Variants in FOXP2 observed in about 807,000 individuals in gnomAD.
The protein encoded by FOXP2 is forkhead box protein P2.
Under a neutral mutation model 115.8 loss-of-function variants are expected in FOXP2, and 12 were observed. That is an observed-to-expected ratio of 0.10 (90% CI 0.07 to 0.17). The LOEUF is 0.17. FOXP2 is among the 10% of genes least tolerant of loss of function. The pLI is 1.00. For synonymous variants in FOXP2, 328 were observed against 297.7 expected, an observed-to-expected ratio of 1.10 and a Z score of -1.05; for missense variants, 629 against 843.5, an observed-to-expected ratio of 0.75 and a Z score of 3.15.
chr7:114,210,606 T>C (rs548462032), intron 1 of FOXP2, among the ~76,000 whole-genome samples: 1 of 152,112 alleles, frequency 6.6e-6, no homozygotes, highest in Non-Finnish European at 1.5e-5. Flanking sequence ...TGTTCGGAGG[T>C]CTCACCCAGT....
chr7:114,422,771 T>C (rs1004812916), intron 1 of FOXP2, among the ~76,000 whole-genome samples: 1 of 151,092 alleles, frequency 6.6e-6, no homozygotes, highest in African/African-American at 2.5e-5. Flanking sequence ...ATAGGATACA[T>C]GCAGGTTTCT....
At chr7:114,118,201 G>A (rs1053384838) in intron 1 of FOXP2, among the ~76,000 whole-genome samples, 3 of 152,186 alleles carry the variant, frequency 2.0e-5, no homozygotes, top group Middle Eastern at 3.4e-3. Context: ...AAAAGAATGG[G>A]AAGTTCTAAT....
chr7:114,238,040 C>T (rs758365950), intron 1 of FOXP2, among the ~76,000 whole-genome samples: 1 of 152,154 alleles, frequency 6.6e-6, no homozygotes, highest in South Asian at 2.1e-4. Context: ...TCTCTGGAAA[C>T]AAAGTTGCTA....
chr7:114,399,791 A>G (rs1792834402), intron 2 of FOXP2, among the ~76,000 whole-genome samples: 1 of 152,114 alleles, frequency 6.6e-6, no homozygotes, highest in South Asian at 2.1e-4. Flanking sequence ...AGACCAGTAT[A>G]AAGGGAGACA....
At chr7:114,620,295 G>A (rs1022997056) in intron 3 of FOXP2, among the ~76,000 whole-genome samples, 13 of 151,998 alleles carry the variant, frequency 8.6e-5, no homozygotes, top group African/African-American at 2.9e-4. Flanking sequence ...ATGCATGGAA[G>A]CAATAAACGA....
At chr7:114,427,158 G>T (rs1793893789) in intron 2 of FOXP2, among the ~76,000 whole-genome samples, 1 of 151,644 alleles carries the variant, frequency 6.6e-6, no homozygotes. Flanking sequence ...GTTGAAATCT[G>T]CTGAGAGATT....
intron 1 of FOXP2, among the ~76,000 whole-genome samples, chr7:114,275,082 CT>C (rs1164084055): frequency 3.3e-5 from 5 of 151,022 alleles, no homozygotes; most frequent in East Asian, 3.9e-4. Context: ...TTTTTCAGGA[CT>C]TTTTTTTTCT....
intron 3 of FOXP2, among the ~76,000 whole-genome samples, chr7:114,588,590 TTC>T (rs1802272797): frequency 6.6e-6 from 1 of 152,168 alleles, no homozygotes. Context: ...TCTGGGAGCA[TTC>T]AACAATAAAC....
At chr7:114,488,304 T>G (rs760520469) in intron 2 of FOXP2, among the ~76,000 whole-genome samples, 23 of 152,140 alleles carry the variant, frequency 1.5e-4, no homozygotes, top group Non-Finnish European at 2.5e-4. Context: ...TCACGGGGAT[T>G]ATGGGAGCTA....
At chr7:114,097,098 C>CT (rs1318934054) in intron 1 of FOXP2, among the ~76,000 whole-genome samples, 1 of 152,112 alleles carries the variant, frequency 6.6e-6, no homozygotes, top group Non-Finnish European at 1.5e-5. Flanking sequence ...AATTACTCAT[C>CT]TTTATAATTG....
At chr7:114,406,536 A>G (rs527966939) in intron 2 of FOXP2, among the ~76,000 whole-genome samples, 33 of 152,128 alleles carry the variant, frequency 2.2e-4, no homozygotes, top group African/African-American at 7.9e-4. Flanking sequence ...TTATTAAAAC[A>G]CCATGCACTG....
intron 1 of FOXP2, among the ~76,000 whole-genome samples, chr7:114,264,274 A>G (rs1795839375): frequency 6.6e-6 from 1 of 152,180 alleles, no homozygotes. Context: ...TCAGTTGAAT[A>G]CAGTAAGTAC....
Position 114,604,333 on chromosome 7 carries a change from T to G in FOXP2, c.259-24207T>G, listed in dbSNP as rs78540590. Among the ~76,000 whole-genome samples, 1,455 of 152,244 alleles carry G rather than the reference T, an allele frequency of 9.6e-3. 18 individuals carry two copies. Among genetic ancestry groups the G allele is most frequent in the African/African-American group, 0.033 (1,353 of 41,544 alleles). Reference sequence around the variant, plus strand: ...GGCCCCACGTGTTATATCATCACATTGGAGGTTAAGATTTCAAAATACAAA... The same window carrying G: ...GGCCCCACGTGTTATATCATCACATGGGAGGTTAAGATTTCAAAATACAAA... On this transcript the variant is annotated intron_variant, in intron 3 of 16. Coordinates refer to ENST00000350908, the MANE Select transcript of FOXP2 (RefSeq NM_014491.4).
Position 114,442,963 on chromosome 7 carries a change from T to G in FOXP2, c.168+16284T>G, listed in dbSNP as rs543073803. 2.8e-4 allele frequency among the ~76,000 whole-genome samples: 42 copies of G among 152,230 alleles called. 1 individual carries two copies. In the South Asian group the frequency reaches 8.3e-3, roughly 30 times the overall value. On this transcript the variant is annotated intron_variant, in intron 2 of 16. Transcript: ENST00000350908. ...AAACAGAGTAAGAGGAAACTCCAAT[T>G]CCAAGTGTAAAGGATTATTCCAAGT...
chr7:114,102,732 A>ACACACACACACACC (rs757957770), intron 1 of FOXP2, among the ~76,000 whole-genome samples: 193 of 146,194 alleles, frequency 1.3e-3, no homozygotes, highest in African/African-American at 4.7e-3. Flanking sequence ...ACACACACAC[A>ACACACACACACACC]CCCCAATGGT....
chr7:114,494,588 A>G (rs1035607404), intron 2 of FOXP2, among the ~76,000 whole-genome samples: 1 of 152,184 alleles, frequency 6.6e-6, no homozygotes, highest in Non-Finnish European at 1.5e-5. Flanking sequence ...GACCGCTAGT[A>G]ATTACTAGAA....
chr7:114,457,903 A>G (rs1795389117), intron 2 of FOXP2, among the ~76,000 whole-genome samples: 1 of 152,120 alleles, frequency 6.6e-6, no homozygotes, highest in East Asian at 1.9e-4. Context: ...TCAAAAAAAA[A>G]AAAAAAAGTC....
At chr7:114,606,011 A>G (rs937421949) in intron 3 of FOXP2, among the ~76,000 whole-genome samples, 1 of 152,180 alleles carries the variant, frequency 6.6e-6, no homozygotes, top group African/African-American at 2.4e-5. Flanking sequence ...AAAAATGGCC[A>G]GGTATGGAAT....
intron 3 of FOXP2, among the ~76,000 whole-genome samples, chr7:114,567,998 A>T (rs1263667974): frequency 6.6e-6 from 1 of 152,138 alleles, no homozygotes; most frequent in Non-Finnish European, 1.5e-5. Flanking sequence ...TTTGCCTTTC[A>T]ATAGATTATT....
Sources: gnomAD v4.1 joint callset for allele counts (sites outside exome capture counted in the v4.1 genomes callset) on GRCh38, gnomAD v4.1.1 for gene constraint, MANE v1.5 for transcripts, NCBI Gene and HGNC (gene_info 2026-07-23, HGNC 2026-07-21) for gene names.